Variants in FRA10AC1 observed in about 807,000 individuals in gnomAD.
FRA10AC1 encodes protein FRA10AC1.
A neutral mutation model predicts 56.5 loss-of-function variants in FRA10AC1; 43 were observed. The ratio of observed to expected loss-of-function variants is 0.76; its 90% confidence interval spans 0.60 to 0.98. The LOEUF (loss-of-function observed/expected upper bound fraction) is 0.98. Ranked by LOEUF, FRA10AC1 falls within the 50% of genes least tolerant of loss-of-function variation. FRA10AC1 has a pLI of 0.00. For missense variants in FRA10AC1, 346 were observed against 351.8 expected (o/e 0.98, Z 0.13); for synonymous variants, 112 against 110.5 (o/e 1.01, Z -0.09).
chr10:93,692,518 T>C (rs538983463), intron 6 of FRA10AC1, 128 bp downstream of exon 6: 4 of 630,654 alleles, frequency 6.3e-6, no homozygotes, highest in East Asian at 6.4e-5. Context: ...AATCCTAGGC[T>C]TGATTTTATG....
chr10:93,669,901 T>C (rs750107108), intron 13 of FRA10AC1, 33 bp from the exon 14 acceptor site: 11 of 1,257,310 alleles, frequency 8.7e-6, no homozygotes, highest in Admixed American at 6.2e-5. Context: ...TTAAGATCAA[T>C]AGAGTAAAAA....
chr10:93,676,164 T>C (rs1045950037), intron 12 of FRA10AC1, among the ~76,000 whole-genome samples: 2 of 152,230 alleles, frequency 1.3e-5, no homozygotes, highest in African/African-American at 2.4e-5. Context: ...TTCTACCTTA[T>C]TTTTCCATTA....
chr10:93,700,052 C>A lies in FRA10AC1; in HGVS notation c.55G>T (p.Glu19Ter), dbSNP rs1354110221. The change falls in exon 2 of 14, where the codon GAA (glutamate) becomes TAA (stop). Residue 19 changes from glutamate to a stop codon, truncating the protein, a stop_gained. Coordinates refer to ENST00000359204, the MANE Select transcript of FRA10AC1 (RefSeq NM_145246.5). LOFTEE classifies it high-confidence loss of function. ...SDFSDDERCG[E>*]SSKRKKRTVE... ...TACCTTTTTTTCCTTTTGCTGGATTCTCCACAGCGTTCATCATCACTAAAA... is the reference window on the plus strand; with the variant it reads ...TACCTTTTTTTCCTTTTGCTGGATTATCCACAGCGTTCATCATCACTAAAA... 1 of 1,595,588 alleles carries A rather than the reference C, an allele frequency of 6.3e-7. No homozygotes were observed. The highest frequency in any genetic ancestry group is 1.3e-5 in the African/African-American group (1 of 74,674).
At chr10:93,696,165 C>T (rs1422586477) in intron 4 of FRA10AC1, among the ~76,000 whole-genome samples, 3 of 152,170 alleles carry the variant, frequency 2.0e-5, no homozygotes, top group Admixed American at 2.0e-4. Flanking sequence ...GAAGAAGGCG[C>T]CCCGCTAGGG....
chr10:93,698,062 G>A (rs1358301366), intron 4 of FRA10AC1, 74 bp downstream of exon 4: 3 of 849,448 alleles, frequency 3.5e-6, no homozygotes, highest in Admixed American at 6.1e-5. Flanking sequence ...GACTTCACAA[G>A]ATTTTATAAA....
At position 93,687,443 on chromosome 10, in the gene FRA10AC1, A is replaced by T; in HGVS notation, c.472T>A (p.Phe158Ile). The change falls in exon 8 of 14, where the codon TTT becomes ATT. Residue 158 changes from phenylalanine to isoleucine, a missense_variant. By Grantham distance (21) the Phe-to-Ile change is conservative. Coordinates refer to ENST00000359204, the MANE Select transcript of FRA10AC1 (RefSeq NM_145246.5). ...LSKYKENKFGFRWRVEKEVIS... is the reference protein window; with the variant it reads ...LSKYKENKFGIRWRVEKEVIS... ...ACTTCTTTTTCTACTCGCCACCTAA[A>T]TCCAAACTGATAATAAAAAAATTAC... The T allele has an allele frequency of 1.3e-6, 2 of 1,513,038 alleles. No individual in the cohort carries two copies. Among genetic ancestry groups the T allele is most frequent in the Non-Finnish European group, 1.8e-6 (2 of 1,115,592 alleles). The allele number at this position is 1,513,038 out of a possible 1,614,324, so 93.7% of individuals were successfully genotyped here. A position where few individuals can be genotyped will look rare whatever the true frequency, so the allele number is the denominator to read the frequency against.
chr10:93,685,245 C>A lies in FRA10AC1; in HGVS notation c.625+1G>T. ...TCATATACCCCCTAAAATCAACTTA[C>A]TTAATTTAACAAGTGCATTTCTCTT... On this transcript the variant is annotated splice_donor_variant, in intron 9 of 13. Coordinates refer to ENST00000359204, the MANE Select transcript of FRA10AC1 (RefSeq NM_145246.5). LOFTEE classifies it high-confidence loss of function. 7.3e-7 allele frequency: 1 copy of A among 1,378,888 alleles called. No individual in the cohort carries two copies. The highest frequency in any genetic ancestry group is 1.2e-5 in the South Asian group (1 of 83,514). 85.4% of individuals were successfully genotyped at this position (1,378,888 alleles called of 1,614,324 possible).
chr10:93,696,100 A>C (rs2059229908), intron 4 of FRA10AC1, among the ~76,000 whole-genome samples: 1 of 152,212 alleles, frequency 6.6e-6, no homozygotes, highest in Non-Finnish European at 1.5e-5. Flanking sequence ...ACTAATAACA[A>C]CTAAAATCCT....
intron 7 of FRA10AC1, among the ~76,000 whole-genome samples, chr10:93,690,842 G>A (rs1003270519): frequency 6.6e-6 from 1 of 152,136 alleles, no homozygotes; most frequent in African/African-American, 2.4e-5. Flanking sequence ...CAGCAGTTCT[G>A]GGGATAAATT....
intron 1 of FRA10AC1, among the ~76,000 whole-genome samples, 163 bp from the exon 2 acceptor site, chr10:93,700,269 G>T (rs1435994954): frequency 6.6e-6 from 1 of 152,118 alleles, no homozygotes; most frequent in Non-Finnish European, 1.5e-5. Context: ...ACTTTCATTC[G>T]CTTTTAAATA....
intron 8 of FRA10AC1, among the ~76,000 whole-genome samples, chr10:93,686,441 A>C (rs1233426404): frequency 6.6e-6 from 1 of 151,814 alleles, no homozygotes; most frequent in African/African-American, 2.4e-5. Flanking sequence ...TAGCATTATA[A>C]ACTCACCTGA....
At chr10:93,691,926 ATAATG>A in intron 7 of FRA10AC1, 78 bp downstream of exon 7, 1 of 1,377,434 alleles carries the variant, frequency 7.3e-7, no homozygotes, top group Non-Finnish European at 9.7e-7. Context: ...CTTTAAAAGA[ATAATG>A]TGGGGCATGA....
Position 93,693,482 on chromosome 10 carries a change from GTATA to G in FRA10AC1, c.297-757_297-754del, listed in dbSNP as rs777454590. Reference sequence around the variant, plus strand: ...TGGATAAAGAAAATGTGGTGTGTGTGTATATATATATATATATATATATATACAC... The same window carrying G: ...TGGATAAAGAAAATGTGGTGTGTGTGTATATATATATATATATATATACAC... On this transcript the variant is annotated intron_variant, in intron 5 of 13. Coordinates refer to ENST00000359204, the MANE Select transcript of FRA10AC1 (RefSeq NM_145246.5). Among the ~76,000 whole-genome samples, 88 of 36,278 alleles carry G rather than the reference GTATA, an allele frequency of 2.4e-3. 4 individuals are homozygous for G. In the South Asian group the frequency reaches 0.046, roughly 19 times the overall value. The allele number at this position is 36,278 out of a possible 152,430, so 23.8% of individuals were successfully genotyped here. A position where few individuals can be genotyped will look rare whatever the true frequency, so the allele number is the denominator to read the frequency against.
At chr10:93,696,732 A>T (rs1387083458) in intron 4 of FRA10AC1, among the ~76,000 whole-genome samples, 5 of 152,368 alleles carry the variant, frequency 3.3e-5, no homozygotes, top group Middle Eastern at 3.4e-3. Context: ...AGACCAGATA[A>T]AGAAAATGTG....
chr10:93,673,672 G>T, intron 12 of FRA10AC1: 2 of 372,802 alleles, frequency 5.4e-6, no homozygotes, highest in Admixed American at 3.6e-5. Context: ...ACAAACACAG[G>T]ATTTATATGT....
At chr10:93,694,737 AAAAAAAAG>A in intron 5 of FRA10AC1, 116 bp downstream of exon 5, 3 of 414,744 alleles carry the variant, frequency 7.2e-6, no homozygotes, top group Non-Finnish European at 1.3e-5. Context: ...AAAAAAAAAA[AAAAAAAAG>A]GCACACCGGA....
rs1296242774 is a variant in FRA10AC1 at position 93,684,115 on chromosome 10, C to T, written c.626-17G>A. On this transcript the variant is annotated splice_polypyrimidine_tract_variant and intron_variant, in intron 9 of 13. Coordinates refer to ENST00000359204, the MANE Select transcript of FRA10AC1 (RefSeq NM_145246.5). The stretch of plus-strand genomic sequence containing the variant: ...GGCATAACCCTAAAAAGAAAAGACA[C>T]CACTGAATGGCTGATTTTGAATAAC... 4.4e-6 allele frequency: 7 copies of T among 1,592,912 alleles called. No individual in the cohort carries two copies. Among genetic ancestry groups the T allele is most frequent in the Admixed American group, 1.7e-5 (1 of 59,194 alleles).
chr10:93,675,683 T>C, intron 12 of FRA10AC1: 1 of 366,342 alleles, frequency 2.7e-6, no homozygotes, highest in South Asian at 1.9e-5. Context: ...CCAACCTGGG[T>C]GAAAGAGCAT....
At chr10:93,691,944 G>A (rs761607489) in intron 7 of FRA10AC1, 65 bp downstream of exon 7, 4 of 1,461,572 alleles carry the variant, frequency 2.7e-6, no homozygotes, top group South Asian at 1.3e-5. Context: ...GGGCATGACA[G>A]TATAATAAAA....
Sources: allele counts gnomAD v4.1 joint callset (sites outside exome capture counted in the v4.1 genomes callset), GRCh38; gene constraint gnomAD v4.1.1; transcripts MANE v1.5; gene names NCBI Gene and HGNC (gene_info 2026-07-23, HGNC 2026-07-21).